The following ATP8B3 variants were observed in gnomAD, a reference collection of about 807,000 sequenced individuals.
ATP8B3 encodes ATPase phospholipid transporting 8B3.
Under a neutral mutation model 140.9 loss-of-function variants are expected in ATP8B3, and 141 were observed. That is an observed-to-expected ratio of 1.00 (90% CI 0.87 to 1.15). The LOEUF (loss-of-function observed/expected upper bound fraction) is 1.15, where lower values mean the gene tolerates loss of function less well. Among genes scored for constraint, ATP8B3 ranks in the 50% most tolerant of loss-of-function variants. The probability of loss-of-function intolerance (pLI) is 0.00; values close to 1 mark genes in which losing one functional copy is unlikely to be tolerated. For synonymous variants in ATP8B3, 765 were observed against 714.6 expected, an observed-to-expected ratio of 1.07 and a Z score of -1.13; for missense variants, 1,874 against 1,740.6, an observed-to-expected ratio of 1.08 and a Z score of -1.36.
At position 1,801,960 on chromosome 19, in the gene ATP8B3, A is replaced by G. The variant is rs758095518; in HGVS notation, c.1148T>C (p.Val383Ala). 6.2e-7 allele frequency: 1 copy of G among 1,612,088 alleles called. No individual in the cohort carries two copies. The stretch of plus-strand genomic sequence containing the variant: ...GGGCACTTGTTGGCAGCTCACCACA[A>G]CCACCAGCTTGTTCATCAGGAGGTC... ...KLDLLMNKLVVVIFISVVLVC... is the reference protein window; with the variant it reads ...KLDLLMNKLVAVIFISVVLVC... Residue 383 changes from valine (V) to alanine (A), a missense_variant, in exon 12 of 29, where the codon GTT becomes GCT. Coordinates refer to ENST00000310127, the MANE Select transcript of ATP8B3 (RefSeq NM_138813.4).
At chr19:1,790,733 A>AC (rs1263119721) in intron 21 of ATP8B3, 24 bp downstream of exon 21, 3 of 1,468,186 alleles carry the variant, frequency 2.0e-6, no homozygotes, top group African/African-American at 2.0e-5. Context: ...CCCCTTGCTC[A>AC]CCCCCCAACT....
At chr19:1,793,796 G>A (rs1474342756) in intron 18 of ATP8B3, among the ~76,000 whole-genome samples, 1 of 152,186 alleles carries the variant, frequency 6.6e-6, no homozygotes, top group Admixed American at 6.5e-5. Context: ...AGGCTGGAGT[G>A]TAGTGGCGCG....
Position 1,800,045 on chromosome 19 carries a change from T to G in ATP8B3, c.1454A>C (p.His485Pro), listed in dbSNP as rs755719112. ...AKARSTSLND[H>P]LGQVEYIFSD... Reference sequence around the variant, plus strand: ...GAAGATGTATTCCACCTGGCCCAGGTGGTCGTTGAGGCTGGTGCTGCGGGC... The same window carrying G: ...GAAGATGTATTCCACCTGGCCCAGGGGGTCGTTGAGGCTGGTGCTGCGGGC... The change falls in exon 14 of 29, where the codon CAC (histidine) becomes CCC (proline). Residue 485 changes from histidine to proline, a missense_variant. His to Pro is a moderately conservative substitution (Grantham distance 77). Around this residue, in one of 3 missense-constraint regions of ATP8B3, gnomAD observed 1,032 missense variants for 963.6 expected, o/e 1.07. Transcript: ENST00000310127. The surrounding 1 kb of genome is among the most constrained non-coding windows in gnomAD (Gnocchi z 4.4). 8.1e-6 allele frequency: 13 copies of G among 1,599,990 alleles called. No individual in the cohort carries two copies. The highest frequency in any genetic ancestry group is 1.7e-4 in the Middle Eastern group (1 of 6,050).
chr19:1,800,331 G>A lies in ATP8B3; in HGVS notation c.1271C>T (p.Ala424Val). Residue 424 changes from alanine (A) to valine (V), a missense_variant, in exon 13 of 29, where the codon GCA becomes GTA. Physicochemically the swap from Ala to Val is moderately conservative, Grantham distance 64. Coordinates refer to ENST00000310127, the MANE Select transcript of ATP8B3 (RefSeq NM_138813.4). The surrounding 1 kb of genome is among the most constrained non-coding windows in gnomAD (Gnocchi z 4.4). The part of the protein sequence containing the change: ...LSGVHGSSVA[A>V]ESFFVFWSFL... ...GCTCCAGAAGACGAAGAAGGACTCTGCGGCCACGCTGCTCCCATGCACCCC... is the reference window on the plus strand; with the variant it reads ...GCTCCAGAAGACGAAGAAGGACTCTACGGCCACGCTGCTCCCATGCACCCC... 1 of 1,613,008 alleles carries A rather than the reference G, an allele frequency of 6.2e-7. No individual in the cohort carries two copies. Among genetic ancestry groups the A allele is most frequent in the Non-Finnish European group, 8.5e-7 (1 of 1,179,864 alleles).
intron 14 of ATP8B3, among the ~76,000 whole-genome samples, chr19:1,797,651 C>A (rs1167036745): frequency 3.3e-5 from 5 of 151,796 alleles, no homozygotes; most frequent in Non-Finnish European, 7.4e-5. Flanking sequence ...AAGCTCATGT[C>A]ACCACGCCTG....
At chr19:1,791,904 CG>C in intron 19 of ATP8B3, 43 bp from the exon 20 acceptor site, 1 of 1,606,188 alleles carries the variant, frequency 6.2e-7, no homozygotes, top group Non-Finnish European at 8.5e-7. Context: ...GCTGAGCAGC[CG>C]TCCAGCTCCC....
chr19:1,784,939 GTCGGCA>G lies in ATP8B3; in HGVS notation c.3534_3539del (p.Ala1179_Asp1180del). 1 of 1,610,146 alleles carries G rather than the reference GTCGGCA, an allele frequency of 6.2e-7. No homozygotes were observed. The highest frequency in any genetic ancestry group is 8.5e-7 in the Non-Finnish European group (1 of 1,178,136). ...TGGAGGGAGAGGACATCACGCTGAG[GTCGGCA>G]TCTGGGGACAGGGCGGGGTCACAGC... On this transcript the variant is annotated inframe_deletion and splice_region_variant, in exon 28 of 29. Transcript: ENST00000310127.
Position 1,806,379 on chromosome 19 carries a change from C to G in ATP8B3, c.678-210G>C. The G allele has an allele frequency of 1.4e-6, 2 of 1,444,856 alleles. No homozygotes were observed. Among genetic ancestry groups the G allele is most frequent in the Non-Finnish European group, 1.8e-6 (2 of 1,105,812 alleles). 89.5% of individuals were successfully genotyped at this position (1,444,856 alleles called of 1,614,324 possible). On this transcript the variant is annotated intron_variant, in intron 7 of 28. Coordinates refer to ENST00000310127, the MANE Select transcript of ATP8B3 (RefSeq NM_138813.4). This position sits in a 1 kb window ranked among gnomAD's most constrained non-coding sequence, Gnocchi z 5.6. The stretch of plus-strand genomic sequence containing the variant: ...GACCTCCAGGGTCCTGCACCCACGT[C>G]CTCTTCAGACTTTCCTTGTCCTCCC...
At position 1,788,963 on chromosome 19, in the gene ATP8B3, G is replaced by A; in HGVS notation, c.3003C>T (p.Phe1001=). 6.2e-7 allele frequency: 1 copy of A among 1,607,516 alleles called. No homozygotes were observed. The highest frequency in any genetic ancestry group is 2.2e-5 in the East Asian group (1 of 44,738). ...VRICKFLRYF[F]YKSMASMMVQ... Reference sequence around the variant, plus strand: ...CCATCATGCTGGCCATGCTCTTGTAGAAGAAGTAGCGCAGGAACTTGCAGA... The same window carrying A: ...CCATCATGCTGGCCATGCTCTTGTAAAAGAAGTAGCGCAGGAACTTGCAGA... The change falls in exon 24 of 29, where the codon TTC becomes TTT. Residue 1001 remains phenylalanine, a synonymous_variant. Coordinates refer to ENST00000310127, the MANE Select transcript of ATP8B3 (RefSeq NM_138813.4).
Position 1,795,939 on chromosome 19 carries a change from G to C in ATP8B3, c.1991C>G (p.Thr664Arg). The C allele has an allele frequency of 1.9e-6, 3 of 1,613,264 alleles. No homozygotes were observed. The highest frequency in any genetic ancestry group is 2.5e-6 in the Non-Finnish European group (3 of 1,179,854). ...AICLYTKGAD[T>R]VIFERLHRRG... ...CCTGTGCAAGCGTTCGAAGATGACC[G>C]TGTCGGCGCCCTTGGTGTACAGGCA... Residue 664 changes from threonine (T) to arginine (R), a missense_variant, in exon 18 of 29, where the codon ACG (threonine) becomes AGG (arginine). Transcript: ENST00000310127.
rs1328402600 is a variant in ATP8B3, at chr19:1,794,786, G to A, written c.2055+1089C>T. ...AAACTGGGTCCTAGGGAGTCCCTTG[G>A]TGAGGCCAAAGAGAGACCAGGCTGG... On this transcript the variant is annotated intron_variant, in intron 18 of 28. Transcript: ENST00000310127. This position sits in a 1 kb window ranked among gnomAD's most constrained non-coding sequence, Gnocchi z 4.8. Among the ~76,000 whole-genome samples the A allele has an allele frequency of 6.6e-6, 1 of 152,262 alleles. No individual in the cohort carries two copies. The highest frequency in any genetic ancestry group is 2.4e-5 in the African/African-American group (1 of 41,552).
intron 25 of ATP8B3, among the ~76,000 whole-genome samples, chr19:1,786,678 T>G (rs2068314852): frequency 6.6e-6 from 1 of 152,154 alleles, no homozygotes; most frequent in Non-Finnish European, 1.5e-5. Context: ...GGCTGCTGGC[T>G]TCTGTGTTGG....
In ATP8B3 at chr19:1,790,649, C is replaced by G. The variant is rs1035182954; in HGVS notation, c.2378+108G>C. The G allele has an allele frequency of 1.6e-5, 13 of 826,942 alleles. No individual in the cohort carries two copies. In the Admixed American group the frequency reaches 2.5e-4, roughly 16 times the overall value. 51.2% of individuals were successfully genotyped at this position (826,942 alleles called of 1,614,324 possible). ...CCCTTCCCTCCCCTCTCAATCCCCC[C>G]CTTCCCACTGTGCCTTGGGCTCCCC... On this transcript the variant is annotated intron_variant, in intron 21 of 28. Transcript: ENST00000310127.
Position 1,783,208 on chromosome 19 carries a change from T to G in ATP8B3, c.3723A>C (p.Val1241=). The G allele has an allele frequency of 6.2e-7, 1 of 1,612,498 alleles. No homozygotes were observed. Among genetic ancestry groups the G allele is most frequent in the African/African-American group, 1.3e-5 (1 of 74,932 alleles). The change falls in exon 29 of 29, where the codon GTA becomes GTC. Residue 1241 remains valine (V), a synonymous_variant. Coordinates refer to ENST00000310127, the MANE Select transcript of ATP8B3 (RefSeq NM_138813.4). The stretch of plus-strand genomic sequence containing the variant: ...AACGGCGGGCACGAGACTCCCGGTG[T>G]ACATGAGGCAAGGGCTCCATGGTGA... The part of the protein sequence containing the change: ...EIFTMEPLPH[V]HRESRARRSS...
Position 1,787,161 on chromosome 19 carries a change from G to A in ATP8B3, c.3095C>T (p.Ala1032Val). ...GQPLYEGWFL[A>V]LFNLLYSTLP... is the part of the protein sequence containing the mutation. Reference sequence around the variant, plus strand: ...GGTGCTGTACAGGAGGTTGAAAAGAGCCAGGAACCATCCTTCATACAGGGG... The same window carrying A: ...GGTGCTGTACAGGAGGTTGAAAAGAACCAGGAACCATCCTTCATACAGGGG... Residue 1032 changes from alanine (A) to valine (V), a missense_variant, in exon 25 of 29, where the codon GCT becomes GTT. Physicochemically the swap from Ala to Val is moderately conservative, Grantham distance 64 (BLOSUM62 0). Around this residue, in one of 3 missense-constraint regions of ATP8B3, gnomAD observed 840 missense variants for 760.9 expected, o/e 1.10. Coordinates refer to ENST00000310127, the MANE Select transcript of ATP8B3 (RefSeq NM_138813.4). The A allele has an allele frequency of 6.2e-7, 1 of 1,611,078 alleles. No individual in the cohort carries two copies. Among genetic ancestry groups the A allele is most frequent in the South Asian group, 1.1e-5 (1 of 90,470 alleles).
rs372608953 is a variant in ATP8B3, at chr19:1,796,775, C to T, written c.1689G>A (p.Glu563=). 18 of 1,612,340 alleles carry T rather than the reference C, an allele frequency of 1.1e-5. No individual in the cohort carries two copies. Among genetic ancestry groups the T allele is most frequent in the African/African-American group, 8.0e-5 (6 of 74,932 alleles). ...GGCAGATGGCCAGCAGGCGCCAGAA[C>T]TCCCGCACGGCCTCGTCCCCGTTGG... The part of the protein sequence containing the change: ...VRTNGDEAVR[E]FWRLLAICHT... The change falls in exon 16 of 29, where the codon GAG becomes GAA. Residue 563 remains glutamate (E), a synonymous_variant. Transcript: ENST00000310127.
intron 16 of ATP8B3, among the ~76,000 whole-genome samples, chr19:1,796,477 G>A (rs1220201920): frequency 6.6e-6 from 1 of 152,224 alleles, no homozygotes; most frequent in African/African-American, 2.4e-5. Context: ...CGCAGGCCTG[G>A]ACATCCTTTA....
intron 19 of ATP8B3, 24 bp from the exon 20 acceptor site, chr19:1,791,885 G>C (rs374282247): frequency 1.2e-6 from 2 of 1,608,294 alleles, no homozygotes; most frequent in African/African-American, 2.7e-5. Flanking sequence ...AGGGCAGGGC[G>C]GGGAAGATGC....
Position 1,806,132 on chromosome 19 carries a change from C to T in ATP8B3, c.715G>A (p.Asp239Asn). Residue 239 changes from aspartate (D) to asparagine (N), a missense_variant, in exon 8 of 29, where the codon GAT becomes AAT. By Grantham distance (23) the Asp-to-Asn change is conservative. Around this residue, in one of 3 missense-constraint regions of ATP8B3, gnomAD observed 1,032 missense variants for 963.6 expected, o/e 1.07. Transcript: ENST00000310127. This position sits in a 1 kb window ranked among gnomAD's most constrained non-coding sequence, Gnocchi z 5.6. ...TTGTCCTTGCGGAGACAGACCACAT[C>T]CCCCACGCACAGATCCTGCCATTTC... ...QKKWQDLCVG[D>N]VVCLRKDNIV... The T allele has an allele frequency of 1.9e-6, 3 of 1,601,822 alleles. No homozygotes were observed. Among genetic ancestry groups the T allele is most frequent in the South Asian group, 1.1e-5 (1 of 89,398 alleles).
Sources: gnomAD v4.1 joint callset for allele counts (sites outside exome capture counted in the v4.1 genomes callset) on GRCh38, gnomAD v4.1.1 for gene constraint, gnomAD v4.1.1 regional missense constraint, Gnocchi (gnomAD v3.1) non-coding constraint, MANE v1.5 for transcripts, NCBI Gene and HGNC (gene_info 2026-07-23, HGNC 2026-07-21) for gene names.